The following MYH7B variants were observed in gnomAD, a reference collection of about 807,000 sequenced individuals.
MYH7B encodes the protein myosin-7B.
MYH7B carries 205 observed loss-of-function variants against 234.5 expected under a neutral mutation model. The observed-to-expected ratio is 0.87, with a 90% CI of 0.78 to 0.98. MYH7B has a LOEUF of 0.98. Among genes scored for constraint, MYH7B ranks in the 50% least tolerant of loss-of-function variants. The probability of loss-of-function intolerance (pLI) is 0.00; values close to 1 mark genes in which losing one functional copy is unlikely to be tolerated. For synonymous variants in MYH7B, 1,193 were observed against 1,105.0 expected (o/e 1.08, Z -1.58); for missense variants, 2,652 against 2,633.4 (o/e 1.01, Z -0.15).
In MYH7B at chr20:35,000,985, C is replaced by T; in HGVS notation, c.5305-3C>T. On this transcript the variant is annotated splice_region_variant and splice_polypyrimidine_tract_variant and intron_variant, in intron 40 of 44. Transcript: ENST00000262873. ...CACCTGACCAGCTCCTCCTCCCCAA[C>T]AGGCGGCCATGATGGCCGAGGAGCT... 6.2e-7 allele frequency: 1 copy of T among 1,613,796 alleles called. No homozygotes were observed. Among genetic ancestry groups the T allele is most frequent in the East Asian group, 2.2e-5 (1 of 44,886 alleles).
At chr20:34,991,016 C>T (rs1484459068) in exon 24 of MYH7B, 1 of 1,612,522 alleles carries the variant, frequency 6.2e-7, no homozygotes, top group Admixed American at 1.7e-5. Flanking sequence ...GTCATGGATG[C>T]CTTCTTGGTG....
chr20:34,994,140 C>T lies in MYH7B; in HGVS notation c.2445-6C>T, dbSNP rs766285984. 2.5e-6 allele frequency: 4 copies of T among 1,609,764 alleles called. No individual in the cohort carries two copies. In the Middle Eastern group the frequency reaches 5.0e-4, roughly 200 times the overall value. Reference sequence around the variant, plus strand: ...CCACCTTCACAGCTTGGCTGCCCCTCCCTAGGGATGCGCTGTTCACCATCC... The same window carrying T: ...CCACCTTCACAGCTTGGCTGCCCCTTCCTAGGGATGCGCTGTTCACCATCC... On this transcript the variant is annotated splice_polypyrimidine_tract_variant and splice_region_variant and intron_variant, in intron 26 of 44. Coordinates refer to ENST00000262873, the Ensembl canonical transcript of MYH7B.
chr20:34,979,735 G>C (rs749590719), exon 7 of MYH7B: 10 of 1,614,212 alleles, frequency 6.2e-6, no homozygotes, highest in South Asian at 4.4e-5. Context: ...ACATGGCCAT[G>C]ATGACGCACC....
At position 34,998,243 on chromosome 20, in the gene MYH7B, A is replaced by G. The variant is rs570105738; in HGVS notation, c.3748-52A>G. On this transcript the variant is annotated intron_variant, in intron 32 of 44. Transcript: ENST00000262873. ...CCAGATCCTGCCATCTGATGCACAA[A>G]CTTGTTCTGACATCTAACTCCTGAC... 3.7e-5 allele frequency: 59 copies of G among 1,601,308 alleles called. No homozygotes were observed. In the African/African-American group the frequency reaches 7.6e-4, roughly 21 times the overall value.
chr20:34,971,660 C>T (rs1399389237), intron 2 of MYH7B, among the ~76,000 whole-genome samples: 1 of 152,214 alleles, frequency 6.6e-6, no homozygotes, highest in African/African-American at 2.4e-5. Context: ...TTATGGCAGC[C>T]TCCTCCTGAG....
intron 26 of MYH7B, among the ~76,000 whole-genome samples, chr20:34,993,709 C>G (rs1416607438): frequency 6.6e-6 from 1 of 152,254 alleles, no homozygotes; most frequent in Non-Finnish European, 1.5e-5. Context: ...AGCGATGGCA[C>G]CCAGTGTCTT....
rs769845095 is a variant in MYH7B at position 34,987,931 on chromosome 20, A to G, written c.1416+17A>G. The G allele has an allele frequency of 5.4e-5, 85 of 1,575,312 alleles. No individual in the cohort carries two copies. The highest frequency in any genetic ancestry group is 7.2e-5 in the Non-Finnish European group (84 of 1,158,794). On this transcript the variant is annotated intron_variant, in intron 18 of 44. Coordinates refer to ENST00000262873, the Ensembl canonical transcript of MYH7B. ...ATCTTTGAGGTGAGGACAGGCCCTC[A>G]CCTTGGCCTCTGTTCTCTCCAAGGT...
intron 3 of MYH7B, among the ~76,000 whole-genome samples, chr20:34,976,294 C>T: frequency 6.6e-6 from 1 of 152,202 alleles, no homozygotes; most frequent in East Asian, 1.9e-4. Flanking sequence ...CTCTATATTT[C>T]GTCTAGCACA....
rs377753876 is a variant in MYH7B at position 34,987,337 on chromosome 20, G to A, written c.1147+50G>A. On this transcript the variant is annotated intron_variant, in intron 16 of 44. Coordinates refer to ENST00000262873, the Ensembl canonical transcript of MYH7B. ...AACTTGACCCAGACCTCAGCATCCT[G>A]TCCATGATGGTTAACCCCAACTCTT... 6.3e-6 allele frequency: 10 copies of A among 1,598,248 alleles called. No individual in the cohort carries two copies. In the African/African-American group the frequency reaches 1.1e-4, roughly 17 times the overall value.
rs1233484139 is a variant in MYH7B at position 35,000,721 on chromosome 20, G to A, written c.5178+32G>A. 4 of 1,604,728 alleles carry A rather than the reference G, an allele frequency of 2.5e-6. No homozygotes were observed. In the East Asian group the frequency reaches 9.0e-5, roughly 36 times the overall value. On this transcript the variant is annotated intron_variant, in intron 39 of 44. Transcript: ENST00000262873. ...ACAGGAGTCCCTGGGGACAGAGCAG[G>A]TGCAGGCCTGCTGGCTGGCTGGCTC... is the stretch of plus-strand genomic sequence containing the variant.
intron 30 of MYH7B, 120 bp from the exon 31 acceptor site, chr20:34,996,963 G>A (rs188143041): frequency 5.8e-6 from 7 of 1,203,082 alleles, no homozygotes; most frequent in Middle Eastern, 2.8e-4. Flanking sequence ...AGGGCCCAGT[G>A]CAGCAGGTGC....
At chr20:34,977,667 A>G in exon 4 of MYH7B, 1 of 1,415,424 alleles carries the variant, frequency 7.1e-7, no homozygotes, top group Non-Finnish European at 9.4e-7. Flanking sequence ...TCCTGCCCTC[A>G]CCGTGGTGCC....
rs1345270980 is a variant in MYH7B at position 34,994,177 on chromosome 20, C to T, written c.2476C>T (p.Arg826Cys). Residue 826 changes from arginine (R) to cysteine (C), a missense_variant, in exon 27 of 45, where the codon CGT becomes TGT. This residue lies in a region of MYH7B where 2,279 missense variants were observed against 2,211.4 expected (regional missense o/e 1.03). Coordinates refer to ENST00000262873, the Ensembl canonical transcript of MYH7B. ...GCTGTTCACCATCCAGTGGAACATC[C>T]GTGCCTTCAATGCCGTCAAGAACTG... 30 of 1,613,286 alleles carry T rather than the reference C, an allele frequency of 1.9e-5. No individual in the cohort carries two copies. The highest frequency in any genetic ancestry group is 2.7e-5 in the African/African-American group (2 of 74,950).
chr20:34,961,641 T>C (rs1378715947), intron 2 of MYH7B, among the ~76,000 whole-genome samples: 2 of 152,234 alleles, frequency 1.3e-5, no homozygotes, highest in Non-Finnish European at 2.9e-5. Flanking sequence ...TATTAGTAGA[T>C]ACTCCACAAT....
intron 10 of MYH7B, 130 bp from the exon 11 acceptor site, chr20:34,984,562 G>T: frequency 2.6e-6 from 2 of 774,606 alleles, no homozygotes; most frequent in Non-Finnish European, 2.2e-6. Flanking sequence ...GAGGGTGGGG[G>T]CCATGCATTC....
intron 2 of MYH7B, among the ~76,000 whole-genome samples, chr20:34,960,529 C>T (rs2081686281): frequency 6.6e-6 from 1 of 152,264 alleles, no homozygotes; most frequent in African/African-American, 2.4e-5. Context: ...GCCACCGCAC[C>T]CAGCCACTGG....
chr20:34,978,104 G>C lies in MYH7B; in HGVS notation c.91+8G>C. On this transcript the variant is annotated splice_region_variant and intron_variant, in intron 5 of 44. Coordinates refer to ENST00000262873, the Ensembl canonical transcript of MYH7B. The stretch of plus-strand genomic sequence containing the variant: ...ACACTATCCCATGGGACGGTAAGTG[G>C]AGACAGAGGGGGAGGGGTCATAGCC... 6.2e-7 allele frequency: 1 copy of C among 1,613,890 alleles called. No individual in the cohort carries two copies. Among genetic ancestry groups the C allele is most frequent in the Non-Finnish European group, 8.5e-7 (1 of 1,179,986 alleles).
Position 34,989,984 on chromosome 20 carries a change from C to A in MYH7B, c.1768-30C>A. 2.5e-6 allele frequency: 4 copies of A among 1,613,494 alleles called. No individual in the cohort carries two copies. The African/African-American group carries it at 4.0e-5, about 16-fold the overall frequency. On this transcript the variant is annotated intron_variant, in intron 20 of 44. Transcript: ENST00000262873. ...TCCCGCCCTGCTCCAGGTCTCCCAC[C>A]CGGGCTCAGCACCTGACTTGTCTCT...
rs2082335370 is a variant in MYH7B, at chr20:34,999,770, CTGCCTGCT to C, written c.4666-20_4666-13del. 4 of 992,842 alleles carry C rather than the reference CTGCCTGCT, an allele frequency of 4.0e-6. No homozygotes were observed. Among genetic ancestry groups the C allele is most frequent in the Non-Finnish European group, 6.0e-6 (4 of 666,030 alleles). 61.5% of individuals were successfully genotyped at this position (992,842 alleles called of 1,614,324 possible). The stretch of plus-strand genomic sequence containing the variant: ...GGCCATCCCCCCCCCCCACCCTACC[CTGCCTGCT>C]CTGTATCCACAGGGGGCCCTGGAGC... On this transcript the variant is annotated splice_polypyrimidine_tract_variant and intron_variant, in intron 37 of 44. Coordinates refer to ENST00000262873, the Ensembl canonical transcript of MYH7B.
Sources: allele counts gnomAD v4.1 joint callset (sites outside exome capture counted in the v4.1 genomes callset), GRCh38; gene constraint gnomAD v4.1.1; regional missense constraint gnomAD v4.1.1; transcripts MANE v1.5; gene names NCBI Gene and HGNC (gene_info 2026-07-23, HGNC 2026-07-21).